Variants in AMBRA1 observed in about 807,000 individuals in gnomAD.
AMBRA1 encodes activating molecule in BECN1-regulated autophagy protein 1.
AMBRA1 carries 47 observed loss-of-function variants against 125.4 expected under a neutral mutation model. The observed-to-expected ratio is 0.37, with a 90% CI of 0.30 to 0.48. The LOEUF is 0.48. AMBRA1 is among the 20% of genes least tolerant of loss of function. The pLI is 0.99. For synonymous variants in AMBRA1, 626 were observed against 655.5 expected (o/e 0.95, Z 0.69); for missense variants, 1,331 against 1,693.4 (o/e 0.79, Z 3.76).
At chr11:46,478,358 G>T (rs1169577475) in intron 11 of AMBRA1, among the ~76,000 whole-genome samples, 3 of 152,170 alleles carry the variant, frequency 2.0e-5, no homozygotes, top group African/African-American at 7.2e-5. Flanking sequence ...ATTAGTAAGT[G>T]CTTGCACAGT....
At chr11:46,447,707 TGTAGATAGATAGATAG>T (rs1948362806) in intron 11 of AMBRA1, among the ~76,000 whole-genome samples, 1 of 144,456 alleles carries the variant, frequency 6.9e-6, no homozygotes. Flanking sequence ...CAGACCATCT[TGTAGATAGATAGATAG>T]ATAGATAGAT....
chr11:46,540,046 G>A (rs1378124645), intron 7 of AMBRA1, among the ~76,000 whole-genome samples: 1 of 152,144 alleles, frequency 6.6e-6, no homozygotes, highest in Non-Finnish European at 1.5e-5. Context: ...TGGCCAGGCT[G>A]GTCTCGAACT....
chr11:46,447,615 A>C (rs1360458959), intron 11 of AMBRA1, among the ~76,000 whole-genome samples: 1 of 152,096 alleles, frequency 6.6e-6, no homozygotes, highest in African/African-American at 2.4e-5. Flanking sequence ...CAGGAGACTG[A>C]GGTGGGATAG....
chr11:46,593,964 C>G lies in AMBRA1; in HGVS notation c.-257G>C, dbSNP rs1364160013. On this transcript the variant is annotated 5_prime_UTR_variant, in exon 1 of 18. Transcript: ENST00000683756. ...AGAAGGCGGCTTGAGCGCGGGGCCTCGCGGACAACTCAGCCCTCGACCCGG... is the reference window on the plus strand; with the variant it reads ...AGAAGGCGGCTTGAGCGCGGGGCCTGGCGGACAACTCAGCCCTCGACCCGG... 6 of 398,524 alleles carry G rather than the reference C, an allele frequency of 1.5e-5. No individual in the cohort carries two copies. The highest frequency in any genetic ancestry group is 3.6e-5 in the East Asian group (1 of 28,092). 24.7% of individuals were successfully genotyped at this position (398,524 alleles called of 1,614,324 possible).
chr11:46,467,566 T>G (rs77312978), intron 11 of AMBRA1, among the ~76,000 whole-genome samples: 62 of 150,654 alleles, frequency 4.1e-4, no homozygotes, highest in Admixed American at 9.9e-4. Flanking sequence ...TTTTTTTTTT[T>G]GGGATGGAGT....
chr11:46,592,441 G>A (rs2044636189), intron 1 of AMBRA1, among the ~76,000 whole-genome samples: 1 of 152,048 alleles, frequency 6.6e-6, no homozygotes, highest in African/African-American at 2.4e-5. Context: ...GCTTTTGTAT[G>A]TGCAGTGACC....
chr11:46,450,056 C>CA (rs201819276), intron 11 of AMBRA1, among the ~76,000 whole-genome samples: 2,340 of 70,770 alleles, frequency 0.033, 24 homozygotes, highest in Middle Eastern at 0.068. Flanking sequence ...GAGACTGTCT[C>CA]AAAAAAAAAA....
chr11:46,421,415 C>G, intron 14 of AMBRA1, among the ~76,000 whole-genome samples: 1 of 152,224 alleles, frequency 6.6e-6, no homozygotes, highest in South Asian at 2.1e-4. Context: ...CAAAGATCAG[C>G]AGCCTCCTGG....
At position 46,417,842 on chromosome 11, in the gene AMBRA1, G is replaced by T. The variant is rs563388544; in HGVS notation, c.3116+71C>A. 3.9e-4 allele frequency: 565 copies of T among 1,461,934 alleles called. 4 individuals carry two copies. In the African/African-American group the frequency reaches 6.6e-3, roughly 17 times the overall value. The allele number at this position is 1,461,934 out of a possible 1,614,324, so 90.6% of individuals were successfully genotyped here. A position where few individuals can be genotyped will look rare whatever the true frequency, so the allele number is the denominator to read the frequency against. On this transcript the variant is annotated intron_variant, in intron 15 of 17. Transcript: ENST00000683756. ...GACATTTCCCTTCTAAAAGACCCCA[G>T]TTGGTGAATACTGATTACCCCAGTC...
At chr11:46,448,845 T>A (rs1254604961) in intron 11 of AMBRA1, among the ~76,000 whole-genome samples, 1 of 152,152 alleles carries the variant, frequency 6.6e-6, no homozygotes, top group Non-Finnish European at 1.5e-5. Flanking sequence ...AAAACCTACA[T>A]GCAATGGACT....
intron 1 of AMBRA1, among the ~76,000 whole-genome samples, chr11:46,573,259 G>T (rs1300792341): frequency 1.3e-5 from 2 of 151,806 alleles, no homozygotes; most frequent in East Asian, 3.9e-4. Flanking sequence ...ACAAAAATTA[G>T]CCAGGTGTGG....
chr11:46,521,354 C>T (rs1425651569), intron 7 of AMBRA1, among the ~76,000 whole-genome samples: 1 of 152,252 alleles, frequency 6.6e-6, no homozygotes, highest in Non-Finnish European at 1.5e-5. Flanking sequence ...TGGCTACTTG[C>T]CTGGGAAACT....
At chr11:46,417,255 T>C (rs1260461395) in intron 15 of AMBRA1, among the ~76,000 whole-genome samples, 1 of 152,096 alleles carries the variant, frequency 6.6e-6, no homozygotes, top group Non-Finnish European at 1.5e-5. Flanking sequence ...TTTTACCACG[T>C]TGACCAGGAT....
At chr11:46,502,722 A>G (rs888164805) in intron 9 of AMBRA1, among the ~76,000 whole-genome samples, 2 of 152,128 alleles carry the variant, frequency 1.3e-5, no homozygotes, top group African/African-American at 4.8e-5. Context: ...CTTTGCCATG[A>G]CTCAACTAGG....
intron 7 of AMBRA1, among the ~76,000 whole-genome samples, chr11:46,523,690 C>T (rs930014308): frequency 2.0e-5 from 3 of 152,162 alleles, no homozygotes; most frequent in African/African-American, 7.2e-5. Flanking sequence ...CCGCTTTACC[C>T]AGATGCGCTT....
chr11:46,471,534 C>T (rs1352059725), intron 11 of AMBRA1, among the ~76,000 whole-genome samples: 2 of 151,366 alleles, frequency 1.3e-5, no homozygotes, highest in African/African-American at 4.8e-5. Context: ...GCCGAGATCG[C>T]CCCACTGCAC....
intron 1 of AMBRA1, among the ~76,000 whole-genome samples, chr11:46,577,868 T>G (rs1468578500): frequency 6.6e-6 from 1 of 152,034 alleles, no homozygotes; most frequent in Non-Finnish European, 1.5e-5. Flanking sequence ...GAGAATCACT[T>G]GAACCCAGGA....
At chr11:46,551,609 G>A (rs1269591553) in intron 1 of AMBRA1, among the ~76,000 whole-genome samples, 1 of 152,272 alleles carries the variant, frequency 6.6e-6, no homozygotes, top group Non-Finnish European at 1.5e-5. Flanking sequence ...GATGGCTCAC[G>A]CCTGTAATCC....
chr11:46,407,634 A>T (rs142532106), intron 17 of AMBRA1, among the ~76,000 whole-genome samples: 1 of 152,362 alleles, frequency 6.6e-6, no homozygotes, highest in East Asian at 1.9e-4. Flanking sequence ...GAAAATTCTC[A>T]GTTCATGGCA....
Sources: gnomAD v4.1 joint callset for allele counts (sites outside exome capture counted in the v4.1 genomes callset) on GRCh38, gnomAD v4.1.1 for gene constraint, MANE v1.5 for transcripts, NCBI Gene and HGNC (gene_info 2026-07-23, HGNC 2026-07-21) for gene names.